The following PTPRD variants were observed in gnomAD, a reference collection of about 807,000 sequenced individuals.
PTPRD encodes protein tyrosine phosphatase receptor type D.
In PTPRD, 34 loss-of-function variants were observed where a neutral mutation model predicts 214.5. That is an observed-to-expected ratio of 0.16 (90% CI 0.12 to 0.21). PTPRD has a LOEUF of 0.21. Ranked by LOEUF, PTPRD falls within the 10% of genes least tolerant of loss-of-function variation. The pLI is 1.00. For synonymous variants in PTPRD, 1,128 were observed against 845.7 expected, an observed-to-expected ratio of 1.33 and a Z score of -5.79; for missense variants, 2,545 against 2,398.7, an observed-to-expected ratio of 1.06 and a Z score of -1.27.
At chr9:8,607,568 G>T (rs761291481) in intron 14 of PTPRD, among the ~76,000 whole-genome samples, 1 of 152,114 alleles carries the variant, frequency 6.6e-6, no homozygotes, top group African/African-American at 2.4e-5. Flanking sequence ...GCTTGAGCCC[G>T]GGAGGGAGAA....
At chr9:10,593,665 C>T (rs1007193087) in intron 2 of PTPRD, among the ~76,000 whole-genome samples, 1 of 151,922 alleles carries the variant, frequency 6.6e-6, no homozygotes, top group East Asian at 1.9e-4. Context: ...CATATTAATA[C>T]AAAGAGATTT....
intron 12 of PTPRD, among the ~76,000 whole-genome samples, chr9:8,730,844 C>A (rs1038024622): frequency 6.6e-6 from 1 of 152,098 alleles, no homozygotes; most frequent in Admixed American, 6.5e-5. Flanking sequence ...TCATGCTGCT[C>A]GAACAGAAGT....
At chr9:10,541,775 C>G (rs1334288015) in intron 2 of PTPRD, among the ~76,000 whole-genome samples, 1 of 151,888 alleles carries the variant, frequency 6.6e-6, no homozygotes, top group African/African-American at 2.4e-5. Flanking sequence ...TATAAAGATA[C>G]ATTTATAATA....
chr9:8,771,912 C>A (rs1218965843), intron 11 of PTPRD, among the ~76,000 whole-genome samples: 1 of 151,662 alleles, frequency 6.6e-6, no homozygotes, highest in African/African-American at 2.4e-5. Flanking sequence ...AAAGCTGGGT[C>A]ATAAACCAAA....
rs578239731 is a variant in PTPRD at position 10,036,632 on chromosome 9, T to C, written c.-544-2842A>G. On this transcript the variant is annotated intron_variant, in intron 3 of 45. Coordinates refer to ENST00000381196, the MANE Select transcript of PTPRD (RefSeq NM_002839.4). The stretch of plus-strand genomic sequence containing the variant: ...ACGGAGCCTGGTTCTGTCACCAGGC[T>C]GGAGTGCAGTGGTGCAATCTCGGCT... Among the ~76,000 whole-genome samples, 134 of 152,148 alleles carry C rather than the reference T, an allele frequency of 8.8e-4. 1 individual carries two copies. The highest frequency in any genetic ancestry group is 3.2e-3 in the African/African-American group (134 of 41,510).
rs72704309 is a variant in PTPRD, at chr9:8,835,276, A to C, written c.-103-101330T>G. ...GGCTCTGCATTTCAGGTGCGTGGGC[A>C]CAGAGAATGGGATATGTCTAGAATG... On this transcript the variant is annotated intron_variant, in intron 11 of 45. Transcript: ENST00000381196. 1.6e-3 allele frequency among the ~76,000 whole-genome samples: 239 copies of C among 152,346 alleles called. 1 individual carries two copies. The highest frequency in any genetic ancestry group is 2.8e-3 in the Non-Finnish European group (188 of 68,034).
At chr9:10,283,245 T>C (rs74800441) in intron 3 of PTPRD, among the ~76,000 whole-genome samples, 5,398 of 152,248 alleles carry the variant, frequency 0.035, 126 homozygotes, top group Middle Eastern at 0.068. Flanking sequence ...ACACATGTCC[T>C]GATGTATGTG....
At chr9:8,710,912 T>C (rs962980498) in intron 12 of PTPRD, among the ~76,000 whole-genome samples, 1 of 152,168 alleles carries the variant, frequency 6.6e-6, no homozygotes, top group Non-Finnish European at 1.5e-5. Flanking sequence ...AAAATTCACC[T>C]TGGTAAGCAC....
chr9:9,066,918 T>C (rs575611703), intron 10 of PTPRD, among the ~76,000 whole-genome samples: 1 of 152,292 alleles, frequency 6.6e-6, no homozygotes, highest in South Asian at 2.1e-4. Flanking sequence ...TTGTTTTAAT[T>C]CATCAAAAGG....
At chr9:8,376,873 T>A (rs2083410783) in intron 37 of PTPRD, 147 bp from the exon 38 acceptor site, 4 of 1,043,164 alleles carry the variant, frequency 3.8e-6, no homozygotes, top group Non-Finnish European at 5.5e-6. Flanking sequence ...TATCCCAATA[T>A]ATGTAAATTA....
intron 3 of PTPRD, among the ~76,000 whole-genome samples, chr9:10,296,824 T>C (rs181286774): frequency 4.4e-4 from 67 of 152,186 alleles, no homozygotes; most frequent in African/African-American, 1.1e-3. Context: ...AAAATAAATA[T>C]AATGACGATT....
chr9:8,916,435 A>T, intron 11 of PTPRD, among the ~76,000 whole-genome samples: 1 of 152,120 alleles, frequency 6.6e-6, no homozygotes, highest in African/African-American at 2.4e-5. Context: ...AAGCCTAAGG[A>T]GAGGATGGGG....
chr9:8,883,656 G>T (rs749549088), intron 11 of PTPRD, among the ~76,000 whole-genome samples: 2 of 152,188 alleles, frequency 1.3e-5, no homozygotes, highest in South Asian at 4.1e-4. Flanking sequence ...GGTCAGGAGT[G>T]TAAGCTTTCC....
At chr9:9,324,659 G>A (rs1037537322) in intron 9 of PTPRD, among the ~76,000 whole-genome samples, 1 of 152,048 alleles carries the variant, frequency 6.6e-6, no homozygotes, top group Non-Finnish European at 1.5e-5. Flanking sequence ...CACTCTGATG[G>A]TAGTTTCTTT....
intron 12 of PTPRD, among the ~76,000 whole-genome samples, chr9:8,651,180 G>C (rs1266170123): frequency 6.6e-6 from 1 of 152,164 alleles, no homozygotes; most frequent in African/African-American, 2.4e-5. Flanking sequence ...TATGAGAAAA[G>C]CGTTCTGCAG....
chr9:9,350,794 T>A (rs1228231283), intron 9 of PTPRD, among the ~76,000 whole-genome samples: 3 of 152,092 alleles, frequency 2.0e-5, no homozygotes, highest in Non-Finnish European at 4.4e-5. Flanking sequence ...CAGACATTAT[T>A]AACTTAAATA....
chr9:10,238,888 G>A (rs1292886227), intron 3 of PTPRD, among the ~76,000 whole-genome samples: 1 of 151,864 alleles, frequency 6.6e-6, no homozygotes, highest in Non-Finnish European at 1.5e-5. Context: ...GGGAGATTTT[G>A]AAAACCTGGG....
chr9:9,257,300 T>A (rs1232562709), intron 9 of PTPRD, among the ~76,000 whole-genome samples: 2 of 152,016 alleles, frequency 1.3e-5, no homozygotes, highest in East Asian at 3.9e-4. Flanking sequence ...ATAGTATGTA[T>A]TTGTATTTAC....
intron 10 of PTPRD, among the ~76,000 whole-genome samples, chr9:9,150,315 G>A (rs1047140395): frequency 1.3e-5 from 2 of 151,710 alleles, no homozygotes; most frequent in Admixed American, 6.6e-5. Context: ...CTAAGGATAC[G>A]TGCTTTGTGC....
Sources: allele counts gnomAD v4.1 joint callset (sites outside exome capture counted in the v4.1 genomes callset), GRCh38; gene constraint gnomAD v4.1.1; transcripts MANE v1.5; gene names NCBI Gene and HGNC (gene_info 2026-07-23, HGNC 2026-07-21).